Variants in DPP10 observed in about 807,000 individuals in gnomAD.
DPP10 encodes dipeptidyl peptidase like 10, also known as inactive dipeptidyl peptidase 10.
DPP10 carries 33 observed loss-of-function variants against 120.9 expected under a neutral mutation model. The observed-to-expected ratio is 0.27, with a 90% CI of 0.21 to 0.37. The LOEUF is 0.37. Ranked by LOEUF, DPP10 falls within the 10% of genes least tolerant of loss-of-function variation. The probability of loss-of-function intolerance (pLI) is 1.00; values close to 1 mark genes in which losing one functional copy is unlikely to be tolerated. For missense variants in DPP10, 816 were observed against 942.8 expected, an observed-to-expected ratio of 0.87 and a Z score of 1.76; for synonymous variants, 337 against 326.1, an observed-to-expected ratio of 1.03 and a Z score of -0.36.
chr2:115,657,657 C>T (rs779869178), intron 5 of DPP10, among the ~76,000 whole-genome samples: 3 of 151,596 alleles, frequency 2.0e-5, no homozygotes, highest in South Asian at 2.1e-4. Flanking sequence ...GAAAAAAAAG[C>T]GTAGAAGTTT....
chr2:115,041,117 CAAAAAAA>C (rs10577275), intron 1 of DPP10, among the ~76,000 whole-genome samples: 3 of 127,944 alleles, frequency 2.3e-5, no homozygotes, highest in East Asian at 2.3e-4. Flanking sequence ...TAGCTCAAAA[CAAAAAAA>C]AAAAAAAAAA....
At chr2:115,274,738 C>T (rs1673494711) in intron 1 of DPP10, among the ~76,000 whole-genome samples, 1 of 152,206 alleles carries the variant, frequency 6.6e-6, no homozygotes, top group South Asian at 2.1e-4. Context: ...CATGGAAAGA[C>T]ACTATGCAAA....
intron 3 of DPP10, among the ~76,000 whole-genome samples, chr2:115,451,964 AC>A (rs1203201674): frequency 1.3e-5 from 2 of 151,936 alleles, no homozygotes; most frequent in East Asian, 3.9e-4. Flanking sequence ...CCAAAATGGA[AC>A]TGGATATGAC....
chr2:115,063,772 T>C (rs1185102041), intron 1 of DPP10, among the ~76,000 whole-genome samples: 1 of 152,180 alleles, frequency 6.6e-6, no homozygotes, highest in African/African-American at 2.4e-5. Flanking sequence ...TAACTCAAGA[T>C]GGATTAAAGA....
In DPP10 at chr2:115,557,951, T is replaced by C. The variant is rs147487234; in HGVS notation, c.441+31979T>C. On this transcript the variant is annotated intron_variant, in intron 5 of 25. Coordinates refer to ENST00000410059, the MANE Select transcript of DPP10 (RefSeq NM_020868.6). ...TCAACATTATCTGGTACAAAACACATGGACTTACATGTTAAAGGTGTTGTT... is the reference window on the plus strand; with the variant it reads ...TCAACATTATCTGGTACAAAACACACGGACTTACATGTTAAAGGTGTTGTT... 7.4e-3 allele frequency among the ~76,000 whole-genome samples: 1,132 copies of C among 152,318 alleles called. 6 individuals are homozygous for C. Among genetic ancestry groups the C allele is most frequent in the African/African-American group, 0.025 (1,038 of 41,564 alleles).
chr2:115,684,788 G>T (rs1189466028), intron 5 of DPP10, among the ~76,000 whole-genome samples: 3 of 151,912 alleles, frequency 2.0e-5, no homozygotes, highest in South Asian at 2.1e-4. Context: ...AAAAAAAATT[G>T]TGAAAAACAG....
chr2:115,113,271 A>C (rs75503755), intron 1 of DPP10, among the ~76,000 whole-genome samples: 3 of 150,756 alleles, frequency 2.0e-5, no homozygotes, highest in Non-Finnish European at 4.4e-5. Flanking sequence ...TATATATGCT[A>C]TATATATATA....
intron 1 of DPP10, among the ~76,000 whole-genome samples, chr2:115,172,344 A>G (rs112937978): frequency 0.029 from 4,406 of 151,338 alleles, 66 homozygotes; most frequent in African/African-American, 0.034. Context: ...AGATCGCGCC[A>G]CTGCACTCTA....
At chr2:114,596,598 C>T (rs918781912) in intron 1 of DPP10, among the ~76,000 whole-genome samples, 1 of 152,052 alleles carries the variant, frequency 6.6e-6, no homozygotes, top group African/African-American at 2.4e-5. Flanking sequence ...TGTAGTCATA[C>T]AAATACTAGC....
At chr2:115,457,676 C>T (rs79870426) in intron 3 of DPP10, among the ~76,000 whole-genome samples, 2 of 79,114 alleles carry the variant, frequency 2.5e-5, no homozygotes, top group East Asian at 7.0e-4. Flanking sequence ...AAAACGGCAA[C>T]ATTGGCAAAA....
In DPP10 at chr2:114,823,607, G is replaced by A. The variant is rs552085258; in HGVS notation, c.60+380769G>A. Among the ~76,000 whole-genome samples, 15 of 152,222 alleles carry A rather than the reference G, an allele frequency of 9.9e-5. No homozygotes were observed. In the East Asian group the frequency reaches 2.9e-3, roughly 29 times the overall value. ...CGGAGTATATTGACTCAGGGTTATG[G>A]GAACACAAAAGAGATGGTGAAGCAC... On this transcript the variant is annotated intron_variant, in intron 1 of 25. Coordinates refer to ENST00000410059, the MANE Select transcript of DPP10 (RefSeq NM_020868.6).
At chr2:115,408,227 A>G (rs2068674641) in intron 3 of DPP10, among the ~76,000 whole-genome samples, 1 of 152,076 alleles carries the variant, frequency 6.6e-6, no homozygotes, top group African/African-American at 2.4e-5. Flanking sequence ...CAGGAACAGG[A>G]ACTTTCCCAG....
rs146297445 is a variant in DPP10, at chr2:115,163,038, C to T, written c.61-146201C>T. Reference sequence around the variant, plus strand: ...AGGTCAGGGATTAACTGTGGACCCGCGGGACCCAAGCGCTGGGGTAGGAGG... The same window carrying T: ...AGGTCAGGGATTAACTGTGGACCCGTGGGACCCAAGCGCTGGGGTAGGAGG... On this transcript the variant is annotated intron_variant, in intron 1 of 25. Transcript: ENST00000410059. 7.6e-3 allele frequency among the ~76,000 whole-genome samples: 1,150 copies of T among 152,168 alleles called. 25 individuals are homozygous for T. Among genetic ancestry groups the T allele is most frequent in the African/African-American group, 0.026 (1,088 of 41,514 alleles).
At chr2:114,814,657 C>G (rs1685473108) in intron 1 of DPP10, among the ~76,000 whole-genome samples, 1 of 151,976 alleles carries the variant, frequency 6.6e-6, no homozygotes, top group Non-Finnish European at 1.5e-5. Context: ...GGCTGCAGGA[C>G]CTGACCTGAG....
chr2:115,191,210 A>G (rs7566796), intron 1 of DPP10, among the ~76,000 whole-genome samples: 40,036 of 152,122 alleles, frequency 0.26, 5,511 homozygotes, highest in East Asian at 0.4. Flanking sequence ...GGTTTTAAGA[A>G]ACTGCAAGTA....
chr2:115,359,922 AT>A (rs1490813726), intron 3 of DPP10, among the ~76,000 whole-genome samples: 4 of 151,958 alleles, frequency 2.6e-5, no homozygotes, highest in Admixed American at 2.6e-4. Flanking sequence ...TTCTAATTAT[AT>A]TTTTTAATTT....
intron 1 of DPP10, among the ~76,000 whole-genome samples, chr2:114,535,115 G>C (rs372872631): frequency 1.3e-5 from 2 of 150,828 alleles, no homozygotes; most frequent in East Asian, 3.9e-4. Context: ...TGTTTATAAT[G>C]AATTTAGTGG....
intron 1 of DPP10, among the ~76,000 whole-genome samples, chr2:114,492,187 T>C (rs1474995709): frequency 1.3e-5 from 2 of 152,140 alleles, no homozygotes; most frequent in Non-Finnish European, 2.9e-5. Flanking sequence ...ATCTAATTAA[T>C]ATATTATTCA....
At chr2:114,611,214 T>C (rs1693262248) in intron 1 of DPP10, among the ~76,000 whole-genome samples, 1 of 152,134 alleles carries the variant, frequency 6.6e-6, no homozygotes, top group Non-Finnish European at 1.5e-5. Flanking sequence ...AAGTTTTAAT[T>C]ATCTGCTCAT....
Sources: gnomAD v4.1 joint callset for allele counts (sites outside exome capture counted in the v4.1 genomes callset) on GRCh38, gnomAD v4.1.1 for gene constraint, MANE v1.5 for transcripts, NCBI Gene and HGNC (gene_info 2026-07-23, HGNC 2026-07-21) for gene names.